The following EPB41L4A variants were observed in gnomAD, a reference collection of about 807,000 sequenced individuals.
EPB41L4A encodes the protein erythrocyte membrane protein band 4.1 like 4A, also known as band 4.1-like protein 4A.
A neutral mutation model predicts 108.6 loss-of-function variants in EPB41L4A; 100 were observed. The observed-to-expected ratio is 0.92, with a 90% CI of 0.78 to 1.09. EPB41L4A has a LOEUF of 1.09. EPB41L4A is among the 50% of genes least tolerant of loss of function. EPB41L4A has a pLI of 0.00. For synonymous variants in EPB41L4A, 319 were observed against 289.0 expected (o/e 1.10, Z -1.05); for missense variants, 1,030 against 842.7 (o/e 1.22, Z -2.75).
At chr5:112,319,852 G>A (rs1450706002) in intron 1 of EPB41L4A, among the ~76,000 whole-genome samples, 1 of 152,100 alleles carries the variant, frequency 6.6e-6, no homozygotes, top group Non-Finnish European at 1.5e-5. Flanking sequence ...GAATAGTTCT[G>A]CCATGATGAT....
At chr5:112,340,814 C>T (rs1037272389) in intron 1 of EPB41L4A, among the ~76,000 whole-genome samples, 5 of 152,176 alleles carry the variant, frequency 3.3e-5, no homozygotes, top group African/African-American at 9.7e-5. Context: ...GATTCAATTT[C>T]GACAGCAAGC....
chr5:112,379,394 A>G (rs1760025889), intron 1 of EPB41L4A, among the ~76,000 whole-genome samples: 1 of 152,210 alleles, frequency 6.6e-6, no homozygotes, highest in African/African-American at 2.4e-5. Flanking sequence ...ACTTTTGAAA[A>G]TAAGAGTAGA....
intron 1 of EPB41L4A, among the ~76,000 whole-genome samples, chr5:112,385,624 T>C (rs546326700): frequency 6.6e-6 from 1 of 152,086 alleles, no homozygotes; most frequent in African/African-American, 2.4e-5. Flanking sequence ...TTATTGAAAT[T>C]AGAAGAATTG....
At chr5:112,294,692 C>T (rs1025812737) in intron 2 of EPB41L4A, among the ~76,000 whole-genome samples, 2 of 151,802 alleles carry the variant, frequency 1.3e-5, no homozygotes, top group South Asian at 2.1e-4. Context: ...TACAACCCCC[C>T]GAGACACTAT....
At chr5:112,302,067 T>C (rs150757264) in intron 2 of EPB41L4A, among the ~76,000 whole-genome samples, 7 of 152,286 alleles carry the variant, frequency 4.6e-5, no homozygotes, top group African/African-American at 1.7e-4. Flanking sequence ...CTATGAAATA[T>C]AAATTCATAG....
intron 2 of EPB41L4A, among the ~76,000 whole-genome samples, chr5:112,300,417 G>T (rs1398371603): frequency 6.6e-6 from 1 of 152,084 alleles, no homozygotes; most frequent in Non-Finnish European, 1.5e-5. Context: ...GCTTAGTTTT[G>T]CTGGAGACAA....
At chr5:112,348,034 C>T (rs1465630376) in intron 1 of EPB41L4A, among the ~76,000 whole-genome samples, 1 of 152,178 alleles carries the variant, frequency 6.6e-6, no homozygotes. Flanking sequence ...TGGCTCAATT[C>T]CTCAGTCTAT....
At chr5:112,376,279 T>A (rs1398498110) in intron 1 of EPB41L4A, among the ~76,000 whole-genome samples, 2 of 152,152 alleles carry the variant, frequency 1.3e-5, no homozygotes, top group Non-Finnish European at 2.9e-5. Context: ...TAAAAAGATG[T>A]TCCACATAAT....
intron 1 of EPB41L4A, among the ~76,000 whole-genome samples, chr5:112,367,454 C>A (rs1430335104): frequency 2.0e-5 from 3 of 152,160 alleles, no homozygotes; most frequent in African/African-American, 7.2e-5. Context: ...CACAAACCTC[C>A]CTGGGAAATG....
At chr5:112,200,747 T>C (rs996332468) in intron 15 of EPB41L4A, among the ~76,000 whole-genome samples, 2 of 152,220 alleles carry the variant, frequency 1.3e-5, no homozygotes, top group East Asian at 1.9e-4. Flanking sequence ...TATATGCAGA[T>C]GTTTATATGT....
rs952742929 is a variant in EPB41L4A, at chr5:112,163,490, C to T, written c.*1500G>A. The T allele has an allele frequency of 1.3e-5, 2 of 152,068 alleles. No homozygotes were observed. The highest frequency in any genetic ancestry group is 1.3e-4 in the Admixed American group (2 of 15,266). The allele number at this position is 152,068 out of a possible 1,614,324, so 9.4% of individuals were successfully genotyped here. A position where few individuals can be genotyped will look rare whatever the true frequency, so the allele number is the denominator to read the frequency against. On this transcript the variant is annotated 3_prime_UTR_variant, in exon 23 of 23. Coordinates refer to ENST00000261486, the MANE Select transcript of EPB41L4A (RefSeq NM_022140.5). ...TTTGAGAAACTCCACTAATTAATGG[C>T]AAGGTAAAGCATGATAAGCCAGAAA...
chr5:112,282,438 T>A (rs760936471), intron 2 of EPB41L4A, among the ~76,000 whole-genome samples: 1 of 152,244 alleles, frequency 6.6e-6, no homozygotes, highest in Non-Finnish European at 1.5e-5. Context: ...TTTCCACTGC[T>A]GCCGTAACAA....
intron 12 of EPB41L4A, among the ~76,000 whole-genome samples, chr5:112,211,419 T>C (rs537691495): frequency 1.3e-5 from 2 of 152,244 alleles, no homozygotes; most frequent in East Asian, 3.9e-4. Flanking sequence ...CCATCTCTAC[T>C]AAAAATATAA....
chr5:112,409,091 C>A (rs555209694), intron 1 of EPB41L4A, among the ~76,000 whole-genome samples: 2 of 152,144 alleles, frequency 1.3e-5, no homozygotes, highest in East Asian at 1.9e-4. Flanking sequence ...AAAAGACCAT[C>A]GACTGATGAA....
At chr5:112,181,798 C>A (rs180673918) in intron 18 of EPB41L4A, among the ~76,000 whole-genome samples, 5 of 152,098 alleles carry the variant, frequency 3.3e-5, no homozygotes, top group Admixed American at 6.5e-5. Flanking sequence ...GTGGACCAGG[C>A]GCAGTGGTGC....
chr5:112,195,322 A>C (rs1761908642), intron 16 of EPB41L4A, among the ~76,000 whole-genome samples: 1 of 152,058 alleles, frequency 6.6e-6, no homozygotes, highest in Non-Finnish European at 1.5e-5. Flanking sequence ...CAGCCTCATG[A>C]AATCGTGAAC....
intron 1 of EPB41L4A, among the ~76,000 whole-genome samples, chr5:112,417,547 T>G (rs1292721799): frequency 2.0e-5 from 3 of 152,258 alleles, no homozygotes; most frequent in Non-Finnish European, 4.4e-5. Flanking sequence ...TACATCATCT[T>G]GTAAGTTACA....
At chr5:112,408,208 A>T (rs1466888249) in intron 1 of EPB41L4A, among the ~76,000 whole-genome samples, 7 of 152,212 alleles carry the variant, frequency 4.6e-5, no homozygotes, top group African/African-American at 1.7e-4. Context: ...CAAATGAAGA[A>T]TGGGTCATAG....
chr5:112,409,182 T>G (rs772572355), intron 1 of EPB41L4A, among the ~76,000 whole-genome samples: 21 of 152,214 alleles, frequency 1.4e-4, no homozygotes, highest in Admixed American at 8.5e-4. Flanking sequence ...TGTGCTACAT[T>G]GTGAATGAAT....
Sources: gnomAD v4.1 joint callset for allele counts (sites outside exome capture counted in the v4.1 genomes callset) on GRCh38, gnomAD v4.1.1 for gene constraint, MANE v1.5 for transcripts, NCBI Gene and HGNC (gene_info 2026-07-23, HGNC 2026-07-21) for gene names.